The following RNF13 variants were observed in gnomAD, a reference collection of about 807,000 sequenced individuals.
RNF13 encodes the protein E3 ubiquitin-protein ligase RNF13.
Under a neutral mutation model 37.7 loss-of-function variants are expected in RNF13, and 19 were observed. The ratio of observed to expected loss-of-function variants is 0.50; its 90% confidence interval spans 0.35 to 0.74. The LOEUF is 0.74. Ranked by LOEUF, RNF13 falls within the 30% of genes least tolerant of loss-of-function variation. RNF13 has a pLI of 0.01. For synonymous variants in RNF13, 144 were observed against 157.8 expected, an observed-to-expected ratio of 0.91 and a Z score of 0.65; for missense variants, 375 against 453.0, an observed-to-expected ratio of 0.83 and a Z score of 1.56.
chr3:149,820,672 G>A (rs56375095), intron 1 of RNF13, among the ~76,000 whole-genome samples: 4,078 of 152,126 alleles, frequency 0.027, 72 homozygotes, highest in South Asian at 0.037. Flanking sequence ...AAAAATTCAC[G>A]TAATTAACCA....
At chr3:149,820,418 A>G (rs910079157) in intron 1 of RNF13, among the ~76,000 whole-genome samples, 4 of 152,142 alleles carry the variant, frequency 2.6e-5, no homozygotes, top group South Asian at 2.1e-4. Context: ...TTCCACCGGG[A>G]AATAATCCTA....
chr3:149,900,442 A>G (rs866883811), intron 5 of RNF13, among the ~76,000 whole-genome samples: 7 of 152,186 alleles, frequency 4.6e-5, no homozygotes, highest in Admixed American at 1.3e-4. Context: ...AAAAAATGCA[A>G]TAATGCCTGT....
At chr3:149,895,366 G>A (rs1297761527) in intron 4 of RNF13, 107 bp from the exon 5 acceptor site, 3 of 665,998 alleles carry the variant, frequency 4.5e-6, no homozygotes, top group African/African-American at 1.9e-5. Flanking sequence ...GTTTTAGCTT[G>A]TATCCTCATC....
chr3:149,954,518 C>A (rs961505426), intron 8 of RNF13, among the ~76,000 whole-genome samples: 1 of 152,120 alleles, frequency 6.6e-6, no homozygotes, highest in Non-Finnish European at 1.5e-5. Context: ...AAATATTTGC[C>A]AATGAACCAA....
At chr3:149,863,294 G>T (rs1724464515) in intron 3 of RNF13, among the ~76,000 whole-genome samples, 1 of 152,166 alleles carries the variant, frequency 6.6e-6, no homozygotes, top group South Asian at 2.1e-4. Context: ...ATGAGTGAGG[G>T]TCTTTTTTGT....
intron 8 of RNF13, among the ~76,000 whole-genome samples, chr3:149,930,787 G>A (rs1295297344): frequency 1.3e-5 from 2 of 152,038 alleles, no homozygotes; most frequent in Non-Finnish European, 2.9e-5. Flanking sequence ...TGTGGCTTTC[G>A]GCAGATTGTG....
intron 2 of RNF13, among the ~76,000 whole-genome samples, chr3:149,850,987 AAGT>A (rs1303683203): frequency 2.0e-5 from 3 of 152,242 alleles, no homozygotes; most frequent in Non-Finnish European, 4.4e-5. Flanking sequence ...GATGGCCTCC[AAGT>A]ACACTGCTAG....
intron 7 of RNF13, among the ~76,000 whole-genome samples, chr3:149,913,411 C>T (rs937833255): frequency 6.6e-6 from 1 of 152,120 alleles, no homozygotes; most frequent in Non-Finnish European, 1.5e-5. Context: ...CCTGTTCATC[C>T]GTCATCTACT....
In RNF13 at chr3:149,852,522, T is replaced by C; in HGVS notation, c.121T>C (p.Phe41Leu). ...TTTAAAATTTTATTTTTAGTATAAC[T>C]TTGAAAATGCATCTCAGACATTTGA... Reference protein sequence around the residue: ...PVEADILAYNFENASQTFDDL... With the variant: ...PVEADILAYNLENASQTFDDL... Residue 41 changes from phenylalanine (F) to leucine (L), a missense_variant, in exon 3 of 10, where the codon TTT becomes CTT. Transcript: ENST00000392894. The C allele has an allele frequency of 6.6e-7, 1 of 1,523,892 alleles. No individual in the cohort carries two copies. 94.4% of individuals were successfully genotyped at this position (1,523,892 alleles called of 1,614,324 possible).
intron 6 of RNF13, 119 bp downstream of exon 6, chr3:149,902,281 C>T: frequency 4.1e-6 from 2 of 486,286 alleles, no homozygotes; most frequent in Non-Finnish European, 7.4e-6. Context: ...CTAAATTATC[C>T]CTTTTTAAAT....
At chr3:149,863,013 A>G (rs907118949) in intron 3 of RNF13, among the ~76,000 whole-genome samples, 1 of 152,222 alleles carries the variant, frequency 6.6e-6, no homozygotes, top group African/African-American at 2.4e-5. Context: ...CAGAATAACT[A>G]ATGGCAATGA....
chr3:149,916,089 T>G (rs1368458464), intron 7 of RNF13, among the ~76,000 whole-genome samples: 4 of 152,114 alleles, frequency 2.6e-5, no homozygotes, highest in African/African-American at 9.7e-5. Context: ...TAAAATAGTT[T>G]TTTTTTTTTA....
At chr3:149,905,110 T>C (rs1716256632) in intron 6 of RNF13, among the ~76,000 whole-genome samples, 1 of 152,204 alleles carries the variant, frequency 6.6e-6, no homozygotes, top group Admixed American at 6.5e-5. Context: ...ACTTTTGGAA[T>C]AGATTTCTAG....
At chr3:149,874,518 C>T (rs1372182246) in intron 4 of RNF13, among the ~76,000 whole-genome samples, 1 of 152,124 alleles carries the variant, frequency 6.6e-6, no homozygotes, top group Non-Finnish European at 1.5e-5. Context: ...ACCTTGCACA[C>T]AGGAAGGAGG....
chr3:149,904,767 G>T (rs770904490), intron 6 of RNF13, among the ~76,000 whole-genome samples: 1 of 146,470 alleles, frequency 6.8e-6, no homozygotes, highest in Non-Finnish European at 1.5e-5. Context: ...TACCTTATAA[G>T]TAATAATTAA....
chr3:149,860,184 G>A (rs1255377878), intron 3 of RNF13, among the ~76,000 whole-genome samples: 1 of 148,098 alleles, frequency 6.8e-6, no homozygotes, highest in African/African-American at 2.5e-5. Context: ...ATCATTGAAC[G>A]GAGATGCAGG....
chr3:149,855,155 C>CA (rs1027410939), intron 3 of RNF13, among the ~76,000 whole-genome samples: 3 of 151,908 alleles, frequency 2.0e-5, no homozygotes, highest in Non-Finnish European at 4.4e-5. Flanking sequence ...CTGTCTCTAC[C>CA]AAAAAATATA....
intron 4 of RNF13, among the ~76,000 whole-genome samples, chr3:149,892,018 A>C (rs1396905885): frequency 2.0e-5 from 3 of 152,138 alleles, no homozygotes; most frequent in South Asian, 2.1e-4. Context: ...TCTTTGATTT[A>C]ATTTCATTTC....
chr3:149,827,701 A>G (rs1411575395), intron 1 of RNF13, among the ~76,000 whole-genome samples: 1 of 152,226 alleles, frequency 6.6e-6, no homozygotes, highest in African/African-American at 2.4e-5. Flanking sequence ...AGGAAAGATG[A>G]TTATAAGAAG....
Sources: allele counts gnomAD v4.1 joint callset (sites outside exome capture counted in the v4.1 genomes callset), GRCh38; gene constraint gnomAD v4.1.1; transcripts MANE v1.5; gene names NCBI Gene and HGNC (gene_info 2026-07-23, HGNC 2026-07-21).